The following CDC42BPA variants were observed in gnomAD, a reference collection of about 807,000 sequenced individuals.
CDC42BPA encodes serine/threonine-protein kinase MRCK alpha.
Under a neutral mutation model 223.5 loss-of-function variants are expected in CDC42BPA, and 80 were observed. That is an observed-to-expected ratio of 0.36 (90% CI 0.30 to 0.43). The LOEUF is 0.43. Ranked by LOEUF, CDC42BPA falls within the 20% of genes least tolerant of loss-of-function variation. CDC42BPA has a pLI of 1.00. For synonymous variants in CDC42BPA, 694 were observed against 718.6 expected (o/e 0.97, Z 0.55); for missense variants, 1,743 against 2,099.9 (o/e 0.83, Z 3.32).
intron 1 of CDC42BPA, among the ~76,000 whole-genome samples, chr1:227,265,490 A>G (rs1218502041): frequency 6.6e-6 from 1 of 152,046 alleles, no homozygotes; most frequent in Non-Finnish European, 1.5e-5. Flanking sequence ...GGCGGGCGGA[A>G]TTGTGGCATG....
At chr1:227,058,639 C>G (rs1374785836) in intron 21 of CDC42BPA, among the ~76,000 whole-genome samples, 1 of 151,318 alleles carries the variant, frequency 6.6e-6, no homozygotes, top group Non-Finnish European at 1.5e-5. Flanking sequence ...AAAATTCCAT[C>G]TCTGGGCATG....
At chr1:227,019,400 C>T (rs964184717) in intron 32 of CDC42BPA, among the ~76,000 whole-genome samples, 4 of 152,178 alleles carry the variant, frequency 2.6e-5, no homozygotes, top group African/African-American at 9.7e-5. Context: ...TCTGGAACCT[C>T]TAAAAGTCAT....
At chr1:227,209,046 T>C (rs1458887051) in intron 3 of CDC42BPA, among the ~76,000 whole-genome samples, 3 of 150,990 alleles carry the variant, frequency 2.0e-5, no homozygotes, top group African/African-American at 4.9e-5. Context: ...CAGTGGTTTG[T>C]AGTTCTCCTT....
intron 1 of CDC42BPA, among the ~76,000 whole-genome samples, chr1:227,268,950 G>A (rs955095279): frequency 3.3e-5 from 5 of 152,062 alleles, no homozygotes; most frequent in Non-Finnish European, 7.4e-5. Flanking sequence ...CTCCCAAAGT[G>A]CTGGGATTAC....
At chr1:227,188,167 C>T (rs961932358) in intron 5 of CDC42BPA, among the ~76,000 whole-genome samples, 1 of 151,852 alleles carries the variant, frequency 6.6e-6, no homozygotes, top group Non-Finnish European at 1.5e-5. Flanking sequence ...CAAAAGAATG[C>T]CAACAATGTA....
intron 21 of CDC42BPA, chr1:227,059,277 C>G: frequency 1.0e-6 from 1 of 988,278 alleles, no homozygotes; most frequent in South Asian, 1.4e-5. Flanking sequence ...AATAATATAC[C>G]ACAAAAACAT....
intron 3 of CDC42BPA, among the ~76,000 whole-genome samples, chr1:227,211,282 C>T (rs1446376740): frequency 1.3e-5 from 2 of 151,956 alleles, no homozygotes; most frequent in Non-Finnish European, 2.9e-5. Flanking sequence ...TGGGGGGATG[C>T]AGATAAAAAG....
intron 2 of CDC42BPA, among the ~76,000 whole-genome samples, chr1:227,239,008 T>C (rs545188431): frequency 2.0e-4 from 30 of 152,216 alleles, no homozygotes; most frequent in African/African-American, 5.8e-4. Context: ...CAACAAACAA[T>C]AAATGTAGAA....
intron 21 of CDC42BPA, among the ~76,000 whole-genome samples, chr1:227,053,962 A>G (rs1674049548): frequency 6.6e-6 from 1 of 152,208 alleles, no homozygotes; most frequent in African/African-American, 2.4e-5. Flanking sequence ...GAGGGGCTTT[A>G]GTTAAAATGG....
intron 22 of CDC42BPA, among the ~76,000 whole-genome samples, chr1:227,048,916 T>C (rs1673006149): frequency 6.6e-6 from 1 of 151,956 alleles, no homozygotes. Context: ...ACCTCATCTT[T>C]GTTGTTACTA....
At chr1:227,218,219 G>A (rs1298224170) in intron 2 of CDC42BPA, among the ~76,000 whole-genome samples, 3 of 151,098 alleles carry the variant, frequency 2.0e-5, no homozygotes, top group Admixed American at 6.6e-5. Flanking sequence ...ATACAACTGT[G>A]TATTTTGTGA....
At chr1:227,145,792 G>A in intron 7 of CDC42BPA, 55 bp from the exon 8 acceptor site, 1 of 1,386,150 alleles carries the variant, frequency 7.2e-7, no homozygotes, top group Non-Finnish European at 9.8e-7. Flanking sequence ...ATACTAAGTA[G>A]TTGGTTGACT....
chr1:227,227,307 G>A (rs1473099219), intron 2 of CDC42BPA, among the ~76,000 whole-genome samples: 3 of 152,048 alleles, frequency 2.0e-5, no homozygotes, highest in Non-Finnish European at 4.4e-5. Flanking sequence ...TATAAAACTG[G>A]CCATCTCTCT....
rs569281324 is a variant in CDC42BPA, at chr1:227,219,597, T to G, written c.271-6378A>C. Among the ~76,000 whole-genome samples, 25 of 150,732 alleles carry G rather than the reference T, an allele frequency of 1.7e-4. No homozygotes were observed. In the South Asian group the frequency reaches 3.8e-3, roughly 23 times the overall value. Reference sequence around the variant, plus strand: ...CATAAATGATGCGTTTATTTTCATGTTTTTTTTTAAGAAAGAGCATAACTG... The same window carrying G: ...CATAAATGATGCGTTTATTTTCATGGTTTTTTTTAAGAAAGAGCATAACTG... On this transcript the variant is annotated intron_variant, in intron 2 of 36. Transcript: ENST00000366766.
chr1:227,146,480 G>T (rs1470283418), intron 7 of CDC42BPA, among the ~76,000 whole-genome samples: 3 of 151,994 alleles, frequency 2.0e-5, no homozygotes, highest in Admixed American at 6.6e-5. Flanking sequence ...TTTTATACAT[G>T]TAAAGCAACT....
intron 2 of CDC42BPA, among the ~76,000 whole-genome samples, chr1:227,216,719 A>G (rs1014604904): frequency 1.3e-4 from 20 of 152,188 alleles, no homozygotes; most frequent in Non-Finnish European, 2.8e-4. Context: ...TTAACATATA[A>G]CAGTGTAGTC....
chr1:227,144,312 C>A (rs1319135164), intron 8 of CDC42BPA, among the ~76,000 whole-genome samples: 3 of 152,146 alleles, frequency 2.0e-5, no homozygotes, highest in Non-Finnish European at 4.4e-5. Flanking sequence ...AGCAGTGGCT[C>A]ATGCCTATAA....
At chr1:227,115,374 T>C (rs981319096) in intron 12 of CDC42BPA, among the ~76,000 whole-genome samples, 3 of 151,990 alleles carry the variant, frequency 2.0e-5, no homozygotes, top group East Asian at 1.9e-4. Context: ...AGAAGAAATA[T>C]TATCCTAAAC....
At chr1:227,315,129 C>T (rs1219445101) in intron 1 of CDC42BPA, among the ~76,000 whole-genome samples, 1 of 152,040 alleles carries the variant, frequency 6.6e-6, no homozygotes, top group Non-Finnish European at 1.5e-5. Context: ...CAACTCCTGA[C>T]AGCCTTTTCC....
Sources: allele counts gnomAD v4.1 joint callset (sites outside exome capture counted in the v4.1 genomes callset), GRCh38; gene constraint gnomAD v4.1.1; transcripts MANE v1.5; gene names NCBI Gene and HGNC (gene_info 2026-07-23, HGNC 2026-07-21).